Variants in UNC79 observed in about 807,000 individuals in gnomAD.
The protein encoded by UNC79 is protein unc-79 homolog.
A neutral mutation model predicts 283.1 loss-of-function variants in UNC79; 37 were observed. That is an observed-to-expected ratio of 0.13 (90% confidence interval 0.10 to 0.17). UNC79 has a LOEUF of 0.17. UNC79 is among the 10% of genes least tolerant of loss of function. UNC79 has a pLI of 1.00. For synonymous variants in UNC79, 1,107 were observed against 1,200.2 expected, an observed-to-expected ratio of 0.92 and a Z score of 1.61; for missense variants, 2,272 against 3,211.1, an observed-to-expected ratio of 0.71 and a Z score of 7.07.
chr14:93,657,602 C>T (rs183587539), intron 38 of UNC79, among the ~76,000 whole-genome samples: 76 of 152,282 alleles, frequency 5.0e-4, no homozygotes, highest in African/African-American at 1.5e-3. Context: ...CCTCCTGCCT[C>T]GGCCTCCCAA....
upstream of UNC79, among the ~76,000 whole-genome samples, chr14:93,428,387 A>C (rs886108561): frequency 1.3e-5 from 2 of 152,256 alleles, no homozygotes; most frequent in African/African-American, 4.8e-5. Flanking sequence ...AAGGCATTGC[A>C]TCTGGCAATG....
At chr14:93,679,488 G>A (rs2073651868) in intron 41 of UNC79, among the ~76,000 whole-genome samples, 1 of 152,022 alleles carries the variant, frequency 6.6e-6, no homozygotes. Context: ...CTGCTAATTT[G>A]CATGTACCAC....
At chr14:93,571,585 T>C (rs932804796) in intron 14 of UNC79, among the ~76,000 whole-genome samples, 3 of 152,204 alleles carry the variant, frequency 2.0e-5, no homozygotes, top group Non-Finnish European at 4.4e-5. Flanking sequence ...AGTATGCTCA[T>C]CCTGTTGGGA....
intron 7 of UNC79, among the ~76,000 whole-genome samples, chr14:93,523,082 C>A (rs2060396156): frequency 6.6e-6 from 1 of 152,142 alleles, no homozygotes; most frequent in Non-Finnish European, 1.5e-5. Flanking sequence ...AAATATGACA[C>A]TTTAGAAAAA....
chr14:93,530,896 G>A (rs1052407174), intron 10 of UNC79, among the ~76,000 whole-genome samples: 1 of 152,114 alleles, frequency 6.6e-6, no homozygotes, highest in Non-Finnish European at 1.5e-5. Context: ...GCAACAGAGC[G>A]AGACTCCGTC....
intron 1 of UNC79, among the ~76,000 whole-genome samples, chr14:93,358,013 A>G (rs1311125204): frequency 6.7e-6 from 1 of 148,384 alleles, no homozygotes; most frequent in Non-Finnish European, 1.5e-5. Flanking sequence ...GTCCCTCTGG[A>G]GAACTCTGGT....
chr14:93,548,219 G>C (rs1306455121), intron 14 of UNC79, among the ~76,000 whole-genome samples: 1 of 152,172 alleles, frequency 6.6e-6, no homozygotes, highest in East Asian at 1.9e-4. Flanking sequence ...CTACGTTCTG[G>C]TTCATAGATA....
intron 7 of UNC79, among the ~76,000 whole-genome samples, chr14:93,504,306 C>T (rs2059431403): frequency 6.6e-6 from 1 of 151,556 alleles, no homozygotes; most frequent in African/African-American, 2.4e-5. Flanking sequence ...AATATCTTGC[C>T]TATTCCTAGC....
chr14:93,617,056 T>A lies in UNC79; in HGVS notation c.4042-66T>A. ...TTTAACCACTGGGATGGCTCAAATT[T>A]TTCCTTTTGACCTCTGAGTGTTCTT... On this transcript the variant is annotated intron_variant, in intron 27 of 48. Transcript: ENST00000555664. This position sits in a 1 kb window ranked among gnomAD's most constrained non-coding sequence, Gnocchi z 4.5. The A allele has an allele frequency of 6.9e-7, 1 of 1,454,748 alleles. No homozygotes were observed. Among genetic ancestry groups the A allele is most frequent in the Non-Finnish European group, 9.2e-7 (1 of 1,082,750 alleles). The allele number at this position is 1,454,748 out of a possible 1,614,324, so 90.1% of individuals were successfully genotyped here.
chr14:93,650,053 T>G (rs1010337217), intron 35 of UNC79, among the ~76,000 whole-genome samples: 3 of 152,214 alleles, frequency 2.0e-5, no homozygotes, highest in African/African-American at 7.2e-5. Context: ...CTAGACTTCA[T>G]GTCAATGGAA....
At position 93,641,305 on chromosome 14, in the gene UNC79, C is replaced by T. The variant is rs75505803; in HGVS notation, c.5903+58C>T. 1.3e-4 allele frequency: 200 copies of T among 1,510,322 alleles called. 1 individual carries two copies. The East Asian group carries it at 3.8e-3, about 29-fold the overall frequency. 93.6% of individuals were successfully genotyped at this position (1,510,322 alleles called of 1,614,324 possible). A position where few individuals can be genotyped will look rare whatever the true frequency, so the allele number is the denominator to read the frequency against. On this transcript the variant is annotated intron_variant, in intron 33 of 48. Coordinates refer to ENST00000555664, the Ensembl canonical transcript of UNC79. ...TTACAGAATTTAAGTTTGGTTACCA[C>T]AGTGGTGAGAAAGTTTCAGAAAAAG...
chr14:93,593,524 G>A (rs1184090057), intron 22 of UNC79, among the ~76,000 whole-genome samples, 156 bp from the exon 23 acceptor site: 1 of 152,194 alleles, frequency 6.6e-6, no homozygotes, highest in Non-Finnish European at 1.5e-5. Flanking sequence ...GGAAACGTCT[G>A]TCAGAGGATT....
chr14:93,333,814 A>G (rs1445130795), intron 1 of UNC79, among the ~76,000 whole-genome samples: 1 of 152,184 alleles, frequency 6.6e-6, no homozygotes, highest in African/African-American at 2.4e-5. Context: ...TTGAACGCCA[A>G]AGCCACCCTT....
chr14:93,642,280 C>G (rs925696863), intron 33 of UNC79, among the ~76,000 whole-genome samples: 5 of 151,950 alleles, frequency 3.3e-5, no homozygotes, highest in African/African-American at 1.2e-4. Context: ...AAAAAATTAG[C>G]TGGGCCTGGT....
intron 1 of UNC79, among the ~76,000 whole-genome samples, chr14:93,462,165 A>G (rs1384260971): frequency 6.6e-6 from 1 of 151,926 alleles, no homozygotes; most frequent in East Asian, 1.9e-4. Flanking sequence ...AATTAGCCAG[A>G]TGTGGTGACC....
chr14:93,523,128 T>G (rs566278734), intron 7 of UNC79, among the ~76,000 whole-genome samples: 1 of 152,298 alleles, frequency 6.6e-6, no homozygotes, highest in East Asian at 1.9e-4. Flanking sequence ...CCTTACATGT[T>G]TTTAATGATG....
At position 93,706,874 on chromosome 14, in the gene UNC79, G is replaced by A. The variant is rs879026260; in HGVS notation, c.7761G>A (p.Ser2587=). 3.5e-5 allele frequency: 56 copies of A among 1,614,156 alleles called. No homozygotes were observed. The Admixed American group carries it at 5.2e-4, about 15-fold the overall frequency. Residue 2587 remains serine, a synonymous_variant, in exon 49 of 49, where the codon TCG becomes TCA. Transcript: ENST00000555664. ...TGGCCCAGGTGGAGATCCAGTCCTC[G>A]GAAGCAGCCTCTCAATTTTATCCTC...
chr14:93,342,415 A>G (rs2053733067), intron 1 of UNC79, among the ~76,000 whole-genome samples: 1 of 152,172 alleles, frequency 6.6e-6, no homozygotes, highest in African/African-American at 2.4e-5. Context: ...ACAGAGAAAC[A>G]GGGTCCTGGG....
exon 30 of UNC79, chr14:93,622,585 A>C: frequency 6.2e-7 from 1 of 1,614,114 alleles, no homozygotes; most frequent in Non-Finnish European, 8.5e-7. Flanking sequence ...CAGGGGCAAA[A>C]ACCGTCCTCC....
Sources: gnomAD v4.1 joint callset for allele counts (sites outside exome capture counted in the v4.1 genomes callset) on GRCh38, gnomAD v4.1.1 for gene constraint, Gnocchi (gnomAD v3.1) non-coding constraint, MANE v1.5 for transcripts, NCBI Gene and HGNC (gene_info 2026-07-23, HGNC 2026-07-21) for gene names.